NIPA2: variants seen among roughly 807,000 people sequenced by gnomAD.
NIPA2 encodes the protein magnesium transporter NIPA2.
A neutral mutation model predicts 29.7 loss-of-function variants in NIPA2; 11 were observed. That is an observed-to-expected ratio of 0.37 (90% CI 0.23 to 0.61). NIPA2 has a LOEUF of 0.61. NIPA2 is among the 20% of genes least tolerant of loss of function. The probability of loss-of-function intolerance (pLI) is 0.66; values close to 1 mark genes in which losing one functional copy is unlikely to be tolerated. For synonymous variants in NIPA2, 183 were observed against 161.9 expected (o/e 1.13, Z -0.99); for missense variants, 426 against 437.9 (o/e 0.97, Z 0.24).
chr15:22,845,341 A>G (rs148658030), intron 3 of NIPA2, 74 bp downstream of exon 3: 2 of 152,294 alleles, frequency 1.3e-5, no homozygotes, highest in Admixed American at 6.5e-5. Flanking sequence ...TGCAAATTGT[A>G]TGCTGCTTGT....
rs897744482 is a variant in NIPA2, at chr15:22,845,251, T to G, written c.-110T>G. The G allele has an allele frequency of 2.6e-5, 4 of 152,090 alleles. No homozygotes were observed. Among genetic ancestry groups the G allele is most frequent in the African/African-American group, 9.7e-5 (4 of 41,406 alleles). 9.4% of individuals were successfully genotyped at this position (152,090 alleles called of 1,614,324 possible). ...ATTCCTTTCAGGACATTCCCTCTGATGTCCTATTTTCAAACTGTAAGTCAG... is the reference window on the plus strand; with the variant it reads ...ATTCCTTTCAGGACATTCCCTCTGAGGTCCTATTTTCAAACTGTAAGTCAG... On this transcript the variant is annotated 5_prime_UTR_variant, in exon 3 of 8. It removes an upstream start codon present in the reference 5' UTR. Transcript: ENST00000337451.
chr15:22,846,057 A>G (rs1433073026), intron 3 of NIPA2, among the ~76,000 whole-genome samples: 1 of 152,176 alleles, frequency 6.6e-6, no homozygotes, highest in Non-Finnish European at 1.5e-5. Flanking sequence ...TGTCAGTGAG[A>G]GAGGGATTTC....
intron 1 of NIPA2, chr15:22,839,196 C>T (rs937326759): frequency 6.6e-6 from 1 of 152,198 alleles, no homozygotes; most frequent in Non-Finnish European, 1.5e-5. Flanking sequence ...AAGGTGGCTT[C>T]AGCTGCTGCG....
chr15:22,845,456 A>G (rs1898342691), intron 3 of NIPA2, among the ~76,000 whole-genome samples, 189 bp downstream of exon 3: 1 of 152,228 alleles, frequency 6.6e-6, no homozygotes, highest in South Asian at 2.1e-4. Context: ...AGATTTGTAA[A>G]TCAAATTTGC....
At chr15:22,865,782 T>A (rs2058999032) in intron 7 of NIPA2, among the ~76,000 whole-genome samples, 1 of 143,978 alleles carries the variant, frequency 6.9e-6, no homozygotes, top group African/African-American at 2.6e-5. Flanking sequence ...CCACAAATTT[T>A]AAAAGTTTCC....
rs202066289 is a variant in NIPA2 at position 22,846,981 on chromosome 15, A to G, written c.-94+1714A>G. Among the ~76,000 whole-genome samples the G allele has an allele frequency of 2.0e-5, 3 of 150,436 alleles. No individual in the cohort carries two copies. The East Asian group carries it at 5.9e-4, about 29-fold the overall frequency. On this transcript the variant is annotated intron_variant, in intron 3 of 7. Coordinates refer to ENST00000337451, the MANE Select transcript of NIPA2 (RefSeq NM_030922.7). ...TGCAATGGTGTAATCTTGGCTCACCACAACCTCTGCCTCCCGGGTTCAAGC... is the reference window on the plus strand; with the variant it reads ...TGCAATGGTGTAATCTTGGCTCACCGCAACCTCTGCCTCCCGGGTTCAAGC...
At chr15:22,852,481 AG>A (rs140977088) in intron 4 of NIPA2, among the ~76,000 whole-genome samples, 4 of 151,640 alleles carry the variant, frequency 2.6e-5, no homozygotes, top group African/African-American at 9.7e-5. Context: ...AAAAAAAAAA[AG>A]CCATGGTTAA....
At chr15:22,852,445 G>A (rs2057826486) in intron 4 of NIPA2, among the ~76,000 whole-genome samples, 2 of 149,076 alleles carry the variant, frequency 1.3e-5, no homozygotes, top group Admixed American at 1.4e-4. Flanking sequence ...CTCCAGCCTG[G>A]GTGACAGAGT....
At chr15:22,866,169 C>T in intron 7 of NIPA2, 44 bp from the exon 8 acceptor site, 1 of 1,540,340 alleles carries the variant, frequency 6.5e-7, no homozygotes, top group Non-Finnish European at 8.9e-7. Context: ...TGTTTAAGAA[C>T]AACCAACCAT....
intron 7 of NIPA2, among the ~76,000 whole-genome samples, chr15:22,861,247 A>G (rs552457247): frequency 5.3e-5 from 8 of 152,124 alleles, no homozygotes; most frequent in African/African-American, 1.2e-4. Flanking sequence ...GACTAATTCT[A>G]CTCTCAGTAA....
chr15:22,858,927 C>G (rs2058409448), intron 6 of NIPA2, among the ~76,000 whole-genome samples: 1 of 152,114 alleles, frequency 6.6e-6, no homozygotes, highest in East Asian at 1.9e-4. Context: ...CCTGTAATCC[C>G]AGCATTTTGG....
intron 3 of NIPA2, among the ~76,000 whole-genome samples, chr15:22,851,289 C>T (rs2057720159): frequency 1.3e-5 from 2 of 152,088 alleles, no homozygotes; most frequent in South Asian, 4.1e-4. Flanking sequence ...CATTTGAGAA[C>T]CTGATAAATG....
chr15:22,860,925 C>A, intron 7 of NIPA2, 136 bp downstream of exon 7: 1 of 614,128 alleles, frequency 1.6e-6, no homozygotes, highest in Non-Finnish European at 2.8e-6. Context: ...ATGTTCCCTG[C>A]TCCCTCCTAT....
chr15:22,849,593 T>A (rs2057563495), intron 3 of NIPA2, among the ~76,000 whole-genome samples: 1 of 151,144 alleles, frequency 6.6e-6, no homozygotes, highest in Non-Finnish European at 1.5e-5. Context: ...AGAGTCTCGC[T>A]CTGTCGCCCA....
At chr15:22,844,107 A>AT (rs1225601784) in intron 2 of NIPA2, among the ~76,000 whole-genome samples, 2 of 152,204 alleles carry the variant, frequency 1.3e-5, no homozygotes, top group Non-Finnish European at 2.9e-5. Context: ...ATACTAGTCC[A>AT]TTTTTGCCTG....
Position 22,866,955 on chromosome 15 carries a change from T to G in NIPA2, c.*108T>G. ...CTCAAATAATGTTCTTTAAAGGCAA[T>G]CTTTTTAAAGATTTCACTAATTTGG... On this transcript the variant is annotated 3_prime_UTR_variant, in exon 8 of 8. Coordinates refer to ENST00000337451, the MANE Select transcript of NIPA2 (RefSeq NM_030922.7). 9.0e-7 allele frequency: 1 copy of G among 1,105,958 alleles called. No homozygotes were observed. Among genetic ancestry groups the G allele is most frequent in the East Asian group, 2.4e-5 (1 of 41,366 alleles). 68.5% of individuals were successfully genotyped at this position (1,105,958 alleles called of 1,614,324 possible).
At position 22,851,726 on chromosome 15, in the gene NIPA2, A is replaced by C; in HGVS notation, c.-6A>C. 1 of 1,605,920 alleles carries C rather than the reference A, an allele frequency of 6.2e-7. No individual in the cohort carries two copies. The highest frequency in any genetic ancestry group is 1.3e-5 in the African/African-American group (1 of 74,334). On this transcript the variant is annotated 5_prime_UTR_variant, in exon 4 of 8. Coordinates refer to ENST00000337451, the MANE Select transcript of NIPA2 (RefSeq NM_030922.7). Reference sequence around the variant, plus strand: ...ATTCACAGGAACTCCTTAAGTAACAAACGAAATGAGCCAGGGGCGTGGAAA... The same window carrying C: ...ATTCACAGGAACTCCTTAAGTAACACACGAAATGAGCCAGGGGCGTGGAAA...
chr15:22,853,372 A>T, intron 5 of NIPA2, 104 bp downstream of exon 5: 1 of 635,734 alleles, frequency 1.6e-6, no homozygotes, highest in South Asian at 2.4e-5. Flanking sequence ...GGTTTAAATA[A>T]TCTTTTTTTT....
intron 2 of NIPA2, among the ~76,000 whole-genome samples, chr15:22,843,430 C>G (rs1367259006): frequency 1.3e-5 from 2 of 150,660 alleles, no homozygotes; most frequent in Non-Finnish European, 3.0e-5. Flanking sequence ...GGCGTGAACC[C>G]GGGAGGCAGA....
Sources: allele counts gnomAD v4.1 joint callset (sites outside exome capture counted in the v4.1 genomes callset), GRCh38; gene constraint gnomAD v4.1.1; transcripts MANE v1.5; gene names NCBI Gene and HGNC (gene_info 2026-07-23, HGNC 2026-07-21).